The following CDH6 variants were observed in gnomAD, a reference collection of about 807,000 sequenced individuals.
The protein encoded by CDH6 is cadherin 6.
Under a neutral mutation model 78.0 loss-of-function variants are expected in CDH6, and 31 were observed. The ratio of observed to expected loss-of-function variants is 0.40; its 90% CI spans 0.30 to 0.54. The LOEUF (loss-of-function observed/expected upper bound fraction) is 0.54, where lower values mean the gene tolerates loss of function less well. Among genes scored for constraint, CDH6 ranks in the 20% least tolerant of loss-of-function variants. CDH6 has a pLI of 0.56. For missense variants in CDH6, 724 were observed against 975.9 expected (o/e 0.74, Z 3.44); for synonymous variants, 376 against 368.8 (o/e 1.02, Z -0.23).
intron 1 of CDH6, among the ~76,000 whole-genome samples, chr5:31,204,714 A>G (rs916029138): frequency 4.6e-5 from 7 of 152,210 alleles, no homozygotes; most frequent in East Asian, 1.9e-4. Flanking sequence ...AGAGAAACCA[A>G]TCACAGAAGA....
chr5:31,288,595 C>G (rs1201154113), intron 2 of CDH6, among the ~76,000 whole-genome samples: 1 of 152,142 alleles, frequency 6.6e-6, no homozygotes, highest in Non-Finnish European at 1.5e-5. Flanking sequence ...GATATTGATG[C>G]AGTTAAGCCT....
Position 31,297,365 on chromosome 5 carries a change from T to C in CDH6, c.600T>C (p.Ser200=), listed in dbSNP as rs1737640279. Residue 200 remains serine (S), a synonymous_variant, in exon 4 of 12, where the codon AGT becomes AGC. Transcript: ENST00000265071. ...TYGNSAKVVY[S]ILQGQPYFSV... ...GGAACAGTGCTAAAGTTGTCTACAG[T>C]ATTCTACAGGGACAGCCCTATTTTT... 3.1e-6 allele frequency: 5 copies of C among 1,610,576 alleles called. No individual in the cohort carries two copies. The African/African-American group carries it at 6.7e-5, about 22-fold the overall frequency.
intron 5 of CDH6, among the ~76,000 whole-genome samples, chr5:31,300,856 C>T (rs1486761291): frequency 2.0e-5 from 3 of 152,232 alleles, no homozygotes; most frequent in Non-Finnish European, 4.4e-5. Flanking sequence ...CACACCAACT[C>T]ATGCCTGTAA....
Position 31,213,345 on chromosome 5 carries a change from A to T in CDH6, c.-129+19459A>T, listed in dbSNP as rs371568636. ...GCAAGGATGAAATGCTTAAAATCAAAATTGTATCTCCAAATCACACTCACA... is the reference window on the plus strand; with the variant it reads ...GCAAGGATGAAATGCTTAAAATCAATATTGTATCTCCAAATCACACTCACA... On this transcript the variant is annotated intron_variant, in intron 1 of 11. Coordinates refer to ENST00000265071, the MANE Select transcript of CDH6 (RefSeq NM_004932.4). Among the ~76,000 whole-genome samples the T allele has an allele frequency of 2.8e-4, 43 of 152,258 alleles. No individual in the cohort carries two copies. The East Asian group carries it at 7.0e-3, about 25-fold the overall frequency.
At chr5:31,307,446 G>A (rs901671444) in intron 7 of CDH6, among the ~76,000 whole-genome samples, 2 of 152,242 alleles carry the variant, frequency 1.3e-5, no homozygotes, top group Admixed American at 1.3e-4. Context: ...ATAAACTCTT[G>A]TTTTAGCATC....
At chr5:31,296,439 A>C (rs1425308974) in intron 3 of CDH6, among the ~76,000 whole-genome samples, 1 of 152,184 alleles carries the variant, frequency 6.6e-6, no homozygotes, top group Non-Finnish European at 1.5e-5. Context: ...CTAAAATAAG[A>C]ATGCTGATCT....
intron 1 of CDH6, among the ~76,000 whole-genome samples, chr5:31,235,793 T>C (rs1741440142): frequency 6.6e-6 from 1 of 152,154 alleles, no homozygotes; most frequent in Non-Finnish European, 1.5e-5. Flanking sequence ...CAAGAAGCAA[T>C]ACTTTAGCCA....
At chr5:31,224,807 G>T (rs1741104428) in intron 1 of CDH6, among the ~76,000 whole-genome samples, 1 of 152,156 alleles carries the variant, frequency 6.6e-6, no homozygotes, top group Non-Finnish European at 1.5e-5. Flanking sequence ...GCGTCCCAAA[G>T]TGCTGGGAGT....
At chr5:31,234,939 G>A (rs1037699836) in intron 1 of CDH6, among the ~76,000 whole-genome samples, 13 of 152,068 alleles carry the variant, frequency 8.5e-5, no homozygotes, top group Admixed American at 7.2e-4. Flanking sequence ...GTAACTCAAA[G>A]CATCCTGTCC....
At chr5:31,202,316 TC>T (rs1740375063) in intron 1 of CDH6, among the ~76,000 whole-genome samples, 1 of 152,176 alleles carries the variant, frequency 6.6e-6, no homozygotes, top group Admixed American at 6.5e-5. Flanking sequence ...AAAGAGAGTC[TC>T]ATTAATCTAC....
At chr5:31,260,120 G>A (rs189823441) in intron 1 of CDH6, among the ~76,000 whole-genome samples, 17 of 152,308 alleles carry the variant, frequency 1.1e-4, no homozygotes, top group African/African-American at 2.4e-4. Context: ...TATATGTGTC[G>A]TCTGCTAAGA....
chr5:31,273,681 C>A (rs897222924), intron 2 of CDH6, among the ~76,000 whole-genome samples: 1 of 152,130 alleles, frequency 6.6e-6, no homozygotes, highest in Non-Finnish European at 1.5e-5. Context: ...TTGCATTCTA[C>A]GCAATACCAC....
At position 31,283,781 on chromosome 5, in the gene CDH6, G is replaced by A. The variant is rs547314652; in HGVS notation, c.229-10181G>A. Among the ~76,000 whole-genome samples the A allele has an allele frequency of 2.6e-5, 4 of 151,942 alleles. 1 individual carries two copies. The highest frequency in any genetic ancestry group is 4.2e-4 in the South Asian group (2 of 4,806). ...AGATATGAAGGCAGCCTGATCCCAG[G>A]TTTTGTCAGAAAAATAGATTTTCTA... On this transcript the variant is annotated intron_variant, in intron 2 of 11. Transcript: ENST00000265071.
At chr5:31,284,738 C>A (rs1742969173) in intron 2 of CDH6, among the ~76,000 whole-genome samples, 1 of 152,212 alleles carries the variant, frequency 6.6e-6, no homozygotes, top group Non-Finnish European at 1.5e-5. Flanking sequence ...AGGTCATGAT[C>A]TGCCAGAACC....
At chr5:31,300,995 C>T (rs978303647) in intron 5 of CDH6, among the ~76,000 whole-genome samples, 1 of 152,076 alleles carries the variant, frequency 6.6e-6, no homozygotes, top group African/African-American at 2.4e-5. Context: ...CGATGGTGTG[C>T]ACCTGTAGTC....
chr5:31,304,808 C>T (rs1453681868), intron 6 of CDH6, among the ~76,000 whole-genome samples: 1 of 151,696 alleles, frequency 6.6e-6, no homozygotes, highest in African/African-American at 2.4e-5. Flanking sequence ...TAAGTGGGGA[C>T]AGTGTGGGCT....
Position 31,316,139 on chromosome 5 carries a change from G to A in CDH6, c.1391-69G>A, listed in dbSNP as rs188714341. 2.1e-4 allele frequency: 325 copies of A among 1,516,552 alleles called. 1 individual carries two copies. In the African/African-American group the frequency reaches 2.7e-3, roughly 13 times the overall value. 93.9% of individuals were successfully genotyped at this position (1,516,552 alleles called of 1,614,324 possible). ...ATGAATGAGAATGAAGGAGTTGAGC[G>A]GATGTTGTCTAAAGGGAATCGGCAA... On this transcript the variant is annotated intron_variant, in intron 8 of 11. Coordinates refer to ENST00000265071, the MANE Select transcript of CDH6 (RefSeq NM_004932.4).
intron 1 of CDH6, among the ~76,000 whole-genome samples, chr5:31,240,626 C>A (rs138287100): frequency 6.6e-6 from 1 of 152,318 alleles, no homozygotes; most frequent in Non-Finnish European, 1.5e-5. Context: ...AGCTCACCAA[C>A]TACCAAGAAG....
chr5:31,207,517 T>C (rs1226844829), intron 1 of CDH6, among the ~76,000 whole-genome samples: 1 of 152,190 alleles, frequency 6.6e-6, no homozygotes, highest in Non-Finnish European at 1.5e-5. Flanking sequence ...CTTTACTTAG[T>C]CTAAGCGTAA....
Sources: gnomAD v4.1 joint callset for allele counts (sites outside exome capture counted in the v4.1 genomes callset) on GRCh38, gnomAD v4.1.1 for gene constraint, MANE v1.5 for transcripts, NCBI Gene and HGNC (gene_info 2026-07-23, HGNC 2026-07-21) for gene names.